The following KANSL1L variants were observed in gnomAD, a reference collection of about 807,000 sequenced individuals.
KANSL1L encodes the protein KAT8 regulatory NSL complex subunit 1-like protein.
Under a neutral mutation model 108.6 loss-of-function variants are expected in KANSL1L, and 25 were observed. The observed-to-expected ratio is 0.23, with a 90% confidence interval of 0.17 to 0.32. The LOEUF is 0.32. Ranked by LOEUF, KANSL1L falls within the 10% of genes least tolerant of loss-of-function variation. KANSL1L has a pLI of 1.00. For synonymous variants in KANSL1L, 405 were observed against 395.1 expected (o/e 1.03, Z -0.30); for missense variants, 1,137 against 1,125.7 (o/e 1.01, Z -0.14).
In KANSL1L at chr2:210,129,117, A is replaced by G. The variant is rs201168986; in HGVS notation, c.1144T>C (p.Trp382Arg). 3 of 1,613,702 alleles carry G rather than the reference A, an allele frequency of 1.9e-6. No individual in the cohort carries two copies. The highest frequency in any genetic ancestry group is 2.5e-6 in the Non-Finnish European group (3 of 1,179,730). ...GAAATCTGAGCTTGAAGCCAAGTCCATCGGCTGCCAACTCGTGCTCTGTCT... is the reference window on the plus strand; with the variant it reads ...GAAATCTGAGCTTGAAGCCAAGTCCGTCGGCTGCCAACTCGTGCTCTGTCT... ...LVDRARVGSR[W>R]TWLQAQISDL... Residue 382 changes from tryptophan to arginine, a missense_variant, in exon 3 of 15, where the codon TGG becomes CGG. Coordinates refer to ENST00000281772, the MANE Select transcript of KANSL1L (RefSeq NM_152519.4).
At chr2:210,067,315 T>C (rs1559529521) in intron 6 of KANSL1L, among the ~76,000 whole-genome samples, 1 of 152,190 alleles carries the variant, frequency 6.6e-6, no homozygotes, top group Admixed American at 6.5e-5. Flanking sequence ...TATATTCTAT[T>C]GCTCTCTTTC....
chr2:210,060,872 C>G (rs987682822), intron 6 of KANSL1L, among the ~76,000 whole-genome samples: 3 of 152,214 alleles, frequency 2.0e-5, no homozygotes, highest in Non-Finnish European at 4.4e-5. Context: ...TTTAAAACTT[C>G]TGCCCAGTTC....
intron 3 of KANSL1L, among the ~76,000 whole-genome samples, chr2:210,115,970 TA>T (rs2094949987): frequency 6.6e-6 from 1 of 152,196 alleles, no homozygotes; most frequent in African/African-American, 2.4e-5. Flanking sequence ...TTATAAGAGC[TA>T]AAAGTCAGAT....
At position 210,022,757 on chromosome 2, in the gene KANSL1L, G is replaced by A. The variant is rs969760248; in HGVS notation, c.*192C>T. On this transcript the variant is annotated 3_prime_UTR_variant, in exon 15 of 15. Transcript: ENST00000281772. ...AAACACAAATGACTACCACTTGTCT[G>A]TAGATGAAAATCTGGTTACCCTTAT... The A allele has an allele frequency of 1.8e-6, 1 of 557,106 alleles. No individual in the cohort carries two copies. Among genetic ancestry groups the A allele is most frequent in the Non-Finnish European group, 3.2e-6 (1 of 313,152 alleles). 34.5% of individuals were successfully genotyped at this position (557,106 alleles called of 1,614,324 possible).
chr2:210,026,274 T>A (rs1249449671), intron 12 of KANSL1L: 1 of 152,212 alleles, frequency 6.6e-6, no homozygotes, highest in South Asian at 2.1e-4. Context: ...TTCAACAGTG[T>A]CATCTTCTAG....
chr2:210,083,751 C>T (rs924611348), intron 5 of KANSL1L, among the ~76,000 whole-genome samples: 2 of 150,874 alleles, frequency 1.3e-5, no homozygotes, highest in African/African-American at 4.9e-5. Flanking sequence ...ATGGCATGAA[C>T]CCGGGAGGCA....
intron 5 of KANSL1L, 145 bp downstream of exon 5, chr2:210,097,941 G>A: frequency 2.3e-6 from 1 of 438,724 alleles, no homozygotes; most frequent in Non-Finnish European, 4.0e-6. Context: ...ATCAAAAAAT[G>A]CATCCATGGT....
chr2:210,156,880 A>G (rs1338735120), intron 1 of KANSL1L, among the ~76,000 whole-genome samples: 3 of 152,024 alleles, frequency 2.0e-5, no homozygotes, highest in Admixed American at 2.0e-4. Context: ...TTATTGTATA[A>G]TGTCTCAAAA....
chr2:210,048,407 A>G (rs1188532621), intron 6 of KANSL1L, among the ~76,000 whole-genome samples: 4 of 151,904 alleles, frequency 2.6e-5, no homozygotes, highest in African/African-American at 7.3e-5. Context: ...TGATCTTTCA[A>G]CGCAATTCTG....
Position 210,022,889 on chromosome 2 carries a change from C to G in KANSL1L, c.*60G>C, listed in dbSNP as rs556627515. 5.2e-6 allele frequency: 6 copies of G among 1,160,132 alleles called. No individual in the cohort carries two copies. The East Asian group carries it at 1.4e-4, about 27-fold the overall frequency. The allele number at this position is 1,160,132 out of a possible 1,614,324, so 71.9% of individuals were successfully genotyped here. A position where few individuals can be genotyped will look rare whatever the true frequency, so the allele number is the denominator to read the frequency against. Reference sequence around the variant, plus strand: ...TCTGGAGGGGATGGGGGATCCAGAACAGGGCTTTATTTCCTCCCATCTTTC... The same window carrying G: ...TCTGGAGGGGATGGGGGATCCAGAAGAGGGCTTTATTTCCTCCCATCTTTC... On this transcript the variant is annotated 3_prime_UTR_variant, in exon 15 of 15. Coordinates refer to ENST00000281772, the MANE Select transcript of KANSL1L (RefSeq NM_152519.4).
At chr2:210,036,957 A>C (rs888067370) in intron 8 of KANSL1L, among the ~76,000 whole-genome samples, 1 of 151,114 alleles carries the variant, frequency 6.6e-6, no homozygotes, top group Non-Finnish European at 1.5e-5. Flanking sequence ...GGGTTTCACT[A>C]TATTTCCCAG....
chr2:210,082,998 T>G (rs1329753818), intron 5 of KANSL1L, among the ~76,000 whole-genome samples: 6 of 152,154 alleles, frequency 3.9e-5, no homozygotes, highest in Non-Finnish European at 5.9e-5. Context: ...CAAATGTGAT[T>G]AGTTAAGATG....
In KANSL1L at chr2:210,059,687, C is replaced by T. The variant is rs143500697; in HGVS notation, c.1756-15583G>A. The stretch of plus-strand genomic sequence containing the variant: ...AAGAAAATCCTCAACTAAGATAATT[C>T]CCATTGTCTAAAGCAGATGCTCCAG... On this transcript the variant is annotated intron_variant, in intron 6 of 14. Transcript: ENST00000281772. Among the ~76,000 whole-genome samples, 15 of 152,170 alleles carry T rather than the reference C, an allele frequency of 9.9e-5. No individual in the cohort carries two copies. The South Asian group carries it at 2.7e-3, about 27-fold the overall frequency.
chr2:210,125,761 C>T (rs189426267), intron 3 of KANSL1L, among the ~76,000 whole-genome samples: 7 of 152,200 alleles, frequency 4.6e-5, no homozygotes, highest in Admixed American at 4.6e-4. Context: ...GAAGAAAAGG[C>T]ATTTGAAAAA....
At chr2:210,035,797 A>G (rs1046895749) in intron 8 of KANSL1L, among the ~76,000 whole-genome samples, 5 of 152,098 alleles carry the variant, frequency 3.3e-5, no homozygotes, top group Non-Finnish European at 7.4e-5. Flanking sequence ...AGATATTTGA[A>G]TATATCATAC....
intron 5 of KANSL1L, chr2:210,079,666 G>GTATATATATATATATATA (rs1318393057): frequency 5.4e-5 from 1 of 18,426 alleles, no homozygotes; most frequent in East Asian, 1.6e-3. Flanking sequence ...ATATATATAT[G>GTATATATATATATATATA]TATGTGTGTA....
intron 6 of KANSL1L, among the ~76,000 whole-genome samples, chr2:210,054,568 G>C (rs959258454): frequency 3.3e-5 from 5 of 152,036 alleles, no homozygotes; most frequent in African/African-American, 1.2e-4. Context: ...GATTCTAAGA[G>C]ATATACTCAC....
At chr2:210,126,630 A>G (rs1469320844) in intron 3 of KANSL1L, among the ~76,000 whole-genome samples, 2 of 152,210 alleles carry the variant, frequency 1.3e-5, no homozygotes, top group Non-Finnish European at 1.5e-5. Context: ...AACCTGGCCA[A>G]CATGGCAAAA....
At chr2:210,116,736 G>T (rs570194103) in intron 3 of KANSL1L, among the ~76,000 whole-genome samples, 157 of 152,292 alleles carry the variant, frequency 1.0e-3, no homozygotes, top group African/African-American at 3.4e-3. Context: ...ACACCCAAGG[G>T]TGTTTCAATA....
Sources: gnomAD v4.1 joint callset for allele counts (sites outside exome capture counted in the v4.1 genomes callset) on GRCh38, gnomAD v4.1.1 for gene constraint, MANE v1.5 for transcripts, NCBI Gene and HGNC (gene_info 2026-07-23, HGNC 2026-07-21) for gene names.